The following CNOT7 variants were observed in gnomAD, a reference collection of about 807,000 sequenced individuals.
The protein encoded by CNOT7 is BTG1-binding factor 1.
Under a neutral mutation model 37.1 loss-of-function variants are expected in CNOT7, and 4 were observed. That is an observed-to-expected ratio of 0.11 (90% CI 0.05 to 0.25). The LOEUF (loss-of-function observed/expected upper bound fraction) is 0.25, where lower values mean the gene tolerates loss of function less well. Ranked by LOEUF, CNOT7 falls within the 10% of genes least tolerant of loss-of-function variation. The probability of loss-of-function intolerance (pLI) is 1.00; values close to 1 mark genes in which losing one functional copy is unlikely to be tolerated. For missense variants in CNOT7, 170 were observed against 336.2 expected, an observed-to-expected ratio of 0.51 and a Z score of 3.87; for synonymous variants, 128 against 115.6, an observed-to-expected ratio of 1.11 and a Z score of -0.69.
chr8:17,238,866 A>ATC (rs1809753312), intron 3 of CNOT7, among the ~76,000 whole-genome samples: 1 of 152,150 alleles, frequency 6.6e-6, no homozygotes, highest in South Asian at 2.1e-4. Context: ...TTTCTTACTT[A>ATC]GACTACAAAG....
intron 2 of CNOT7, among the ~76,000 whole-genome samples, chr8:17,243,863 T>C (rs1810522711): frequency 6.6e-6 from 1 of 152,198 alleles, no homozygotes; most frequent in African/African-American, 2.4e-5. Context: ...AAATAGTATG[T>C]CATCTACAAA....
At position 17,225,864 on chromosome 8, in the gene CNOT7, T is replaced by A. The variant is rs759346026; in HGVS notation, c.*4856A>T. Reference sequence around the variant, plus strand: ...TTTTCCTATCCCTTTATTTATAAATTCTAACACATTTATTTTATAGACATG... The same window carrying A: ...TTTTCCTATCCCTTTATTTATAAATACTAACACATTTATTTTATAGACATG... On this transcript the variant is annotated 3_prime_UTR_variant, in exon 7 of 7. Coordinates refer to ENST00000361272, the MANE Select transcript of CNOT7 (RefSeq NM_013354.7). 1 of 151,594 alleles carries A rather than the reference T, an allele frequency of 6.6e-6. No homozygotes were observed. The highest frequency in any genetic ancestry group is 1.5e-5 in the Non-Finnish European group (1 of 67,662). 9.4% of individuals were successfully genotyped at this position (151,594 alleles called of 1,614,324 possible).
chr8:17,232,265 C>T, intron 6 of CNOT7, 162 bp downstream of exon 6: 1 of 1,465,222 alleles, frequency 6.8e-7, no homozygotes, highest in Non-Finnish European at 8.9e-7. Context: ...TTCAAGATGA[C>T]TTATTTTTGA....
intron 5 of CNOT7, among the ~76,000 whole-genome samples, chr8:17,233,278 A>AGG (rs1808877312): frequency 6.6e-6 from 1 of 152,212 alleles, no homozygotes; most frequent in Non-Finnish European, 1.5e-5. Flanking sequence ...TAACTTGTTA[A>AGG]GGCCTCCACC....
In CNOT7 at chr8:17,225,109, C is replaced by G. The variant is rs1421658043; in HGVS notation, c.*5611G>C. On this transcript the variant is annotated 3_prime_UTR_variant, in exon 7 of 7. Transcript: ENST00000361272. ...GTTCCCCATTAAAAGCACTTAAAACCTATGACATGGCTAGTAAGATGTAAA... is the reference window on the plus strand; with the variant it reads ...GTTCCCCATTAAAAGCACTTAAAACGTATGACATGGCTAGTAAGATGTAAA... The G allele has an allele frequency of 6.6e-6, 1 of 151,700 alleles. No homozygotes were observed. The highest frequency in any genetic ancestry group is 1.9e-4 in the East Asian group (1 of 5,190). 9.4% of individuals were successfully genotyped at this position (151,700 alleles called of 1,614,324 possible).
intron 3 of CNOT7, chr8:17,241,859 A>G (rs1160087326): frequency 6.6e-6 from 1 of 152,242 alleles, no homozygotes; most frequent in Non-Finnish European, 1.5e-5. Flanking sequence ...TACTTCTAAT[A>G]TTAAACAATG....
intron 3 of CNOT7, chr8:17,237,617 C>T: frequency 2.4e-6 from 1 of 411,234 alleles, no homozygotes; most frequent in East Asian, 3.8e-5. Context: ...AATCTTTTTT[C>T]TATTAACTCT....
chr8:17,238,084 C>T (rs2150988416), intron 3 of CNOT7, among the ~76,000 whole-genome samples: 1 of 152,282 alleles, frequency 6.6e-6, no homozygotes, highest in Non-Finnish European at 1.5e-5. Flanking sequence ...AAGCCATCTC[C>T]AACCTCAAAT....
rs1310101165 is a variant in CNOT7, at chr8:17,227,767, C to T, written c.*2953G>A. The T allele has an allele frequency of 6.6e-6, 1 of 151,858 alleles. No individual in the cohort carries two copies. The highest frequency in any genetic ancestry group is 1.5e-5 in the Non-Finnish European group (1 of 67,804). The allele number at this position is 151,858 out of a possible 1,614,324, so 9.4% of individuals were successfully genotyped here. A position where few individuals can be genotyped will look rare whatever the true frequency, so the allele number is the denominator to read the frequency against. On this transcript the variant is annotated 3_prime_UTR_variant, in exon 7 of 7. Coordinates refer to ENST00000361272, the MANE Select transcript of CNOT7 (RefSeq NM_013354.7). ...CTGCATTATAAACACAATGTACCAG[C>T]ATATAATAAAATAGTCCATATTCCA... is the stretch of plus-strand genomic sequence containing the variant.
Position 17,246,816 on chromosome 8 carries a change from C to G in CNOT7, c.-237G>C, listed in dbSNP as rs879562587. ...CTCGCCCAGCGAAGGGAAAGGCGAG[C>G]AGGAGCTGCGCCGCACCGTGCTGCG... is the stretch of plus-strand genomic sequence containing the variant. On this transcript the variant is annotated 5_prime_UTR_variant, in exon 1 of 7. Transcript: ENST00000361272. 9.9e-5 allele frequency: 21 copies of G among 212,566 alleles called. No homozygotes were observed. The highest frequency in any genetic ancestry group is 1.7e-4 in the African/African-American group (7 of 41,910). The allele number at this position is 212,566 out of a possible 1,614,324, so 13.2% of individuals were successfully genotyped here.
rs1461335039 is a variant in CNOT7 at position 17,229,959 on chromosome 8, C to T, written c.*761G>A. The stretch of plus-strand genomic sequence containing the variant: ...TACCAGTTTCCTGGCAGATAGTAAA[C>T]ATCCAATCACAAGGGATTTTTCCTG... On this transcript the variant is annotated 3_prime_UTR_variant, in exon 7 of 7. Coordinates refer to ENST00000361272, the MANE Select transcript of CNOT7 (RefSeq NM_013354.7). 1 of 152,150 alleles carries T rather than the reference C, an allele frequency of 6.6e-6. No homozygotes were observed. Among genetic ancestry groups the T allele is most frequent in the East Asian group, 1.9e-4 (1 of 5,164 alleles). 9.4% of individuals were successfully genotyped at this position (152,150 alleles called of 1,614,324 possible).
chr8:17,230,867 G>GAAA lies in CNOT7; in HGVS notation c.730-22_730-20dup. 7.2e-7 allele frequency: 1 copy of GAAA among 1,391,586 alleles called. No homozygotes were observed. The highest frequency in any genetic ancestry group is 9.7e-7 in the Non-Finnish European group (1 of 1,031,846). 86.2% of individuals were successfully genotyped at this position (1,391,586 alleles called of 1,614,324 possible). ...AGAACATCTAAAAAGGAATTTTGAA[G>GAAA]AAAAAAAAAAGATAATTTTAACCAA... is the stretch of plus-strand genomic sequence containing the variant. On this transcript the variant is annotated intron_variant, in intron 6 of 6. Coordinates refer to ENST00000361272, the MANE Select transcript of CNOT7 (RefSeq NM_013354.7).
At chr8:17,231,559 CAA>C (rs998772409) in intron 6 of CNOT7, 2 of 985,188 alleles carry the variant, frequency 2.0e-6, no homozygotes, top group Non-Finnish European at 2.4e-6. Context: ...TACATTGCTA[CAA>C]AAAGTTTTAA....
chr8:17,244,932 A>C, intron 2 of CNOT7, 104 bp downstream of exon 2: 1 of 950,152 alleles, frequency 1.1e-6, no homozygotes, highest in Non-Finnish European at 1.6e-6. Flanking sequence ...TTCATGGTGA[A>C]ATTAATCCCT....
In CNOT7 at chr8:17,226,185, A is replaced by C. The variant is rs1035830823; in HGVS notation, c.*4535T>G. The C allele has an allele frequency of 1.8e-4, 28 of 151,394 alleles. No homozygotes were observed. Among genetic ancestry groups the C allele is most frequent in the African/African-American group, 6.8e-4 (28 of 41,336 alleles). 9.4% of individuals were successfully genotyped at this position (151,394 alleles called of 1,614,324 possible). A position where few individuals can be genotyped will look rare whatever the true frequency, so the allele number is the denominator to read the frequency against. ...ATTGAAAACTCAAAATATTGAGTAC[A>C]ATTTTTTTTTCTTTTTTTAGTAATA... On this transcript the variant is annotated 3_prime_UTR_variant, in exon 7 of 7. Transcript: ENST00000361272.
At chr8:17,244,316 T>C (rs1810593281) in intron 2 of CNOT7, 1 of 152,284 alleles carries the variant, frequency 6.6e-6, no homozygotes, top group Admixed American at 6.5e-5. Context: ...AGAACTCCAG[T>C]GTTAATTATG....
chr8:17,238,520 T>C (rs960469112), intron 3 of CNOT7, among the ~76,000 whole-genome samples: 1 of 151,598 alleles, frequency 6.6e-6, no homozygotes, highest in South Asian at 2.1e-4. Flanking sequence ...TTTTTTTTTT[T>C]TTTTTTCCAG....
intron 4 of CNOT7, among the ~76,000 whole-genome samples, chr8:17,235,779 G>A (rs1360674935): frequency 1.3e-5 from 2 of 152,078 alleles, no homozygotes; most frequent in African/African-American, 4.8e-5. Flanking sequence ...TAGAATATGA[G>A]GAAAACAACT....
intron 2 of CNOT7, chr8:17,243,739 T>C: frequency 2.3e-6 from 1 of 432,890 alleles, no homozygotes; most frequent in Admixed American, 2.5e-5. Context: ...TGTAGGATGT[T>C]ATCACTTCTC....
Sources: gnomAD v4.1 joint callset for allele counts (sites outside exome capture counted in the v4.1 genomes callset) on GRCh38, gnomAD v4.1.1 for gene constraint, MANE v1.5 for transcripts, NCBI Gene and HGNC (gene_info 2026-07-23, HGNC 2026-07-21) for gene names.